PI4KB: variants seen among roughly 807,000 people sequenced by gnomAD.
PI4KB encodes phosphatidylinositol 4-kinase beta, also known as PtdIns 4-kinase beta.
Under a neutral mutation model 81.4 loss-of-function variants are expected in PI4KB, and 23 were observed. The ratio of observed to expected loss-of-function variants is 0.28; its 90% CI spans 0.20 to 0.40. The LOEUF is 0.40. Ranked by LOEUF, PI4KB falls within the 10% of genes least tolerant of loss-of-function variation. The pLI, the probability that PI4KB is intolerant of heterozygous loss-of-function variation, is 1.00. For synonymous variants in PI4KB, 381 were observed against 406.8 expected (o/e 0.94, Z 0.76); for missense variants, 651 against 1,036.6 (o/e 0.63, Z 5.11).
At chr1:151,296,618 C>G (rs937789280) in intron 9 of PI4KB, among the ~76,000 whole-genome samples, 1 of 150,514 alleles carries the variant, frequency 6.6e-6, no homozygotes, top group African/African-American at 2.4e-5. Flanking sequence ...ATACAGGCGC[C>G]CGCCACCACA....
At chr1:151,299,106 A>C in intron 8 of PI4KB, 33 bp from the exon 9 acceptor site, 1 of 1,594,848 alleles carries the variant, frequency 6.3e-7, no homozygotes, top group South Asian at 1.1e-5. Context: ...CAGGACTCTT[A>C]TCTTTCTCCA....
intron 9 of PI4KB, among the ~76,000 whole-genome samples, chr1:151,296,355 G>T (rs587753302): frequency 6.6e-6 from 1 of 152,260 alleles, no homozygotes; most frequent in Admixed American, 6.5e-5. Context: ...ATGAGCACAG[G>T]GTCTAAAAGC....
intron 1 of PI4KB, among the ~76,000 whole-genome samples, chr1:151,318,173 C>T (rs1021227741): frequency 6.6e-6 from 1 of 151,990 alleles, no homozygotes; most frequent in Non-Finnish European, 1.5e-5. Context: ...AATCCCAGCA[C>T]TTTGGGAGGC....
chr1:151,311,510 A>G (rs1351074028), intron 2 of PI4KB, among the ~76,000 whole-genome samples: 1 of 152,252 alleles, frequency 6.6e-6, no homozygotes, highest in Admixed American at 6.5e-5. Context: ...CCCTAAGGCA[A>G]CAACTCTTCC....
Position 151,292,822 on chromosome 1 carries a change from C to G in PI4KB, c.*30G>C, listed in dbSNP as rs772558118. 1 of 1,601,348 alleles carries G rather than the reference C, an allele frequency of 6.2e-7. No individual in the cohort carries two copies. The highest frequency in any genetic ancestry group is 8.5e-7 in the Non-Finnish European group (1 of 1,171,142). ...GGCCCTCTAGGGAGGGTGCCCTGGA[C>G]CCCCCACCACTCCTGGGCTGAGGAG... On this transcript the variant is annotated 3_prime_UTR_variant, in exon 12 of 12. Coordinates refer to ENST00000368873, the MANE Select transcript of PI4KB (RefSeq NM_001369623.2).
chr1:151,294,242 ATTTCCCCCT>A, intron 10 of PI4KB, 104 bp from the exon 11 acceptor site: 2 of 1,503,914 alleles, frequency 1.3e-6, no homozygotes, highest in Non-Finnish European at 1.8e-6. Context: ...GGGCCCTGTT[ATTTCCCCCT>A]TCCTTATTGG....
At chr1:151,319,226 G>A (rs1648484911) in intron 1 of PI4KB, among the ~76,000 whole-genome samples, 1 of 151,644 alleles carries the variant, frequency 6.6e-6, no homozygotes, top group African/African-American at 2.4e-5. Context: ...TAATCCCAGT[G>A]CACTGGGTGG....
At chr1:151,297,681 C>G (rs756689246) in intron 9 of PI4KB, among the ~76,000 whole-genome samples, 77 of 151,976 alleles carry the variant, frequency 5.1e-4, no homozygotes, top group Admixed American at 1.2e-3. Flanking sequence ...GGATTAGGCG[C>G]CTGCCACCAG....
Position 151,316,021 on chromosome 1 carries a change from G to A in PI4KB, c.461C>T (p.Pro154Leu). The A allele has an allele frequency of 6.2e-7, 1 of 1,614,064 alleles. No homozygotes were observed. The highest frequency in any genetic ancestry group is 8.5e-7 in the Non-Finnish European group (1 of 1,179,928). ...AISYLYNSKEPGVQAYIGNRL... is the reference protein window; with the variant it reads ...AISYLYNSKELGVQAYIGNRL... ...GTTGCCAATGTAGGCTTGTACTCCAGGCTCCTTGGAGTTATACAGGTATGA... is the reference window on the plus strand; with the variant it reads ...GTTGCCAATGTAGGCTTGTACTCCAAGCTCCTTGGAGTTATACAGGTATGA... The change falls in exon 2 of 12, where the codon CCT (proline) becomes CTT (leucine). Residue 154 changes from proline (P) to leucine (L), a missense_variant. Transcript: ENST00000368873.
rs1695012625 is a variant in PI4KB at position 151,298,790 on chromosome 1, G to A, written c.2015+18C>T. 1 of 1,605,362 alleles carries A rather than the reference G, an allele frequency of 6.2e-7. No individual in the cohort carries two copies. ...GAACCCTGGAGAAATGTTAGGATGA[G>A]CAGCAGAAGTCACCTACCTGTCCTT... is the stretch of plus-strand genomic sequence containing the variant. On this transcript the variant is annotated intron_variant, in intron 9 of 11. Transcript: ENST00000368873.
chr1:151,324,117 A>C (rs775521696), intron 1 of PI4KB, among the ~76,000 whole-genome samples: 1 of 151,944 alleles, frequency 6.6e-6, no homozygotes, highest in African/African-American at 2.4e-5. Flanking sequence ...CACCTGGCTA[A>C]TTTTTGTATT....
intron 8 of PI4KB, among the ~76,000 whole-genome samples, chr1:151,299,622 G>C (rs1210806638): frequency 6.6e-6 from 1 of 152,062 alleles, no homozygotes; most frequent in African/African-American, 2.4e-5. Flanking sequence ...CCCAGGAGGT[G>C]GAGGTTGCAG....
chr1:151,308,712 G>C (rs756622045), intron 3 of PI4KB, among the ~76,000 whole-genome samples: 1 of 152,122 alleles, frequency 6.6e-6, no homozygotes, highest in South Asian at 2.1e-4. Context: ...GACTCAGCTA[G>C]ACACGAAGAA....
chr1:151,297,506 AATGT>A (rs1024607863), intron 9 of PI4KB, among the ~76,000 whole-genome samples: 2 of 151,592 alleles, frequency 1.3e-5, no homozygotes, highest in African/African-American at 2.4e-5. Flanking sequence ...AAGCCCAGCT[AATGT>A]ATGTATGTAT....
Position 151,310,222 on chromosome 1 carries a change from A to AG in PI4KB, c.942_943insC (p.Ser315LeufsTer11). ...CTGGCCCCACTTACGGAACTGAATG[A>AG]ATTATCAATACTCTCGGTGCTGGAG... On this transcript the variant is annotated frameshift_variant, in exon 3 of 12. Transcript: ENST00000368873. LOFTEE classifies it high-confidence loss of function. 1 of 1,609,752 alleles carries AG rather than the reference A, an allele frequency of 6.2e-7. No individual in the cohort carries two copies. Among genetic ancestry groups the AG allele is most frequent in the Non-Finnish European group, 8.5e-7 (1 of 1,178,384 alleles).
chr1:151,293,296 G>A, intron 11 of PI4KB: 4 of 1,386,514 alleles, frequency 2.9e-6, no homozygotes, highest in Non-Finnish European at 3.8e-6. Context: ...CAGTAAGGGT[G>A]GAGGGGCCCA....
intron 3 of PI4KB, among the ~76,000 whole-genome samples, 181 bp downstream of exon 3, chr1:151,310,030 C>T (rs766405448): frequency 1.2e-4 from 18 of 152,086 alleles, no homozygotes; most frequent in African/African-American, 2.9e-4. Context: ...GGATTTCCAC[C>T]GCAAAGGTCA....
At chr1:151,326,635 G>A (rs1649648175) in intron 1 of PI4KB, among the ~76,000 whole-genome samples, 1 of 152,090 alleles carries the variant, frequency 6.6e-6, no homozygotes, top group Non-Finnish European at 1.5e-5. Context: ...GAAGAGTGAG[G>A]ACTAGGTTCA....
intron 1 of PI4KB, among the ~76,000 whole-genome samples, chr1:151,319,255 T>C (rs1016092857): frequency 6.6e-6 from 1 of 151,926 alleles, no homozygotes; most frequent in Non-Finnish European, 1.5e-5. Context: ...GGTGGATCAC[T>C]TTGAGGTCAG....
Sources: gnomAD v4.1 joint callset for allele counts (sites outside exome capture counted in the v4.1 genomes callset) on GRCh38, gnomAD v4.1.1 for gene constraint, MANE v1.5 for transcripts, NCBI Gene and HGNC (gene_info 2026-07-23, HGNC 2026-07-21) for gene names.